Variants in RPS6KA2 observed in about 807,000 individuals in gnomAD.
RPS6KA2 encodes ribosomal protein S6 kinase A2.
RPS6KA2 carries 42 observed loss-of-function variants against 91.8 expected under a neutral mutation model. The ratio of observed to expected loss-of-function variants is 0.46; its 90% CI spans 0.36 to 0.59. The LOEUF is 0.59. Among genes scored for constraint, RPS6KA2 ranks in the 20% least tolerant of loss-of-function variants. The pLI is 0.00. For missense variants in RPS6KA2, 798 were observed against 978.5 expected, an observed-to-expected ratio of 0.82 and a Z score of 2.46; for synonymous variants, 414 against 393.6, an observed-to-expected ratio of 1.05 and a Z score of -0.61.
rs1255942973 is a variant in RPS6KA2, at chr6:166,433,148, C to A, written c.1333-658G>T. 3.9e-5 allele frequency among the ~76,000 whole-genome samples: 6 copies of A among 152,154 alleles called. No individual in the cohort carries two copies. Among genetic ancestry groups the A allele is most frequent in the Non-Finnish European group, 8.8e-5 (6 of 68,022 alleles). The stretch of plus-strand genomic sequence containing the variant: ...AGTGGGCACCATCCACAACAAGCCT[C>A]CAGCCACTGTGCACCTTCTGCCTTG... On this transcript the variant is annotated intron_variant, in intron 14 of 20. Transcript: ENST00000265678. This position sits in a 1 kb window ranked among gnomAD's most constrained non-coding sequence, Gnocchi z 4.4.
At chr6:166,776,397 T>C (rs943497461) in intron 2 of RPS6KA2, among the ~76,000 whole-genome samples, 1 of 152,256 alleles carries the variant, frequency 6.6e-6, no homozygotes, top group Non-Finnish European at 1.5e-5. Context: ...TCTTCCAGGT[T>C]AGATTTCTTG....
chr6:166,573,982 G>A (rs936138284), intron 1 of RPS6KA2, among the ~76,000 whole-genome samples: 1 of 152,046 alleles, frequency 6.6e-6, no homozygotes, highest in Admixed American at 6.6e-5. Flanking sequence ...AGGACTCTCA[G>A]TCCTAACAGC....
chr6:166,687,978 G>A (rs1406237428), intron 2 of RPS6KA2, among the ~76,000 whole-genome samples: 3 of 152,320 alleles, frequency 2.0e-5, no homozygotes, highest in Middle Eastern at 3.4e-3. Context: ...GGGGGAGCCT[G>A]CTTGGGAAGG....
At chr6:166,831,578 C>T (rs142252742) in intron 2 of RPS6KA2, among the ~76,000 whole-genome samples, 24 of 151,946 alleles carry the variant, frequency 1.6e-4, no homozygotes, top group Admixed American at 1.0e-3. Context: ...CACTGAGAGA[C>T]GCTCCCTTAG....
In RPS6KA2 at chr6:166,476,819, C is replaced by T. The variant is rs139131888; in HGVS notation, c.908-6914G>A. 8.3e-3 allele frequency among the ~76,000 whole-genome samples: 1,261 copies of T among 152,174 alleles called. 8 individuals are homozygous for T. The highest frequency in any genetic ancestry group is 0.014 in the Middle Eastern group (4 of 294). ...GAGGTCCTGTGTGGCGAGTCCAGGG[C>T]GGGAGAGCTCTGGCATTGAGAGCTC... On this transcript the variant is annotated intron_variant, in intron 10 of 20. Coordinates refer to ENST00000265678, the MANE Select transcript of RPS6KA2 (RefSeq NM_021135.6).
intron 2 of RPS6KA2, among the ~76,000 whole-genome samples, chr6:166,691,295 C>T (rs1234522664): frequency 6.6e-6 from 1 of 152,076 alleles, no homozygotes; most frequent in African/African-American, 2.4e-5. Context: ...CAGGTTAGGC[C>T]CTCCTCATCT....
rs559614785 is a variant in RPS6KA2 at position 166,437,612 on chromosome 6, C to T, written c.1333-5122G>A. On this transcript the variant is annotated intron_variant, in intron 14 of 20. Transcript: ENST00000265678. The surrounding 1 kb of genome is among the most constrained non-coding windows in gnomAD (Gnocchi z 4.3). ...AATAAACTTTCCATGGTGTTGCCACCGAGCAGGCTGAATATTTCCACCTTC... is the reference window on the plus strand; with the variant it reads ...AATAAACTTTCCATGGTGTTGCCACTGAGCAGGCTGAATATTTCCACCTTC... Among the ~76,000 whole-genome samples, 113 of 152,330 alleles carry T rather than the reference C, an allele frequency of 7.4e-4. 2 individuals carry two copies. Among genetic ancestry groups the T allele is most frequent in the South Asian group, 7.3e-3 (35 of 4,824 alleles).
At chr6:166,607,975 A>C in intron 1 of RPS6KA2, among the ~76,000 whole-genome samples, 1 of 151,856 alleles carries the variant, frequency 6.6e-6, no homozygotes, top group Non-Finnish European at 1.5e-5. Flanking sequence ...GTGCCCCTGC[A>C]CTTCTGCCAG....
intron 2 of RPS6KA2, among the ~76,000 whole-genome samples, chr6:166,785,892 G>A (rs994252788): frequency 1.3e-5 from 2 of 152,000 alleles, no homozygotes; most frequent in Non-Finnish European, 2.9e-5. Context: ...CTTCCTTTTT[G>A]TTCTAGAAGG....
chr6:166,618,985 G>T (rs562232018), intron 1 of RPS6KA2, among the ~76,000 whole-genome samples: 3 of 151,838 alleles, frequency 2.0e-5, no homozygotes, highest in Non-Finnish European at 4.4e-5. Flanking sequence ...AGCCCTGTGC[G>T]TATGGGCTCC....
intron 1 of RPS6KA2, among the ~76,000 whole-genome samples, chr6:166,615,024 A>G (rs1250697986): frequency 6.6e-6 from 1 of 151,932 alleles, no homozygotes; most frequent in African/African-American, 2.4e-5. Context: ...CAAGAACACC[A>G]GGGGTCTACA....
intron 2 of RPS6KA2, among the ~76,000 whole-genome samples, chr6:166,663,794 G>A (rs766064207): frequency 1.3e-5 from 2 of 152,168 alleles, no homozygotes; most frequent in African/African-American, 4.8e-5. Flanking sequence ...CACAGGCTTC[G>A]GCGCTGCACC....
Position 166,490,049 on chromosome 6 carries a change from G to A in RPS6KA2, c.818+622C>T, listed in dbSNP as rs1390780423. On this transcript the variant is annotated intron_variant, in intron 9 of 20. Transcript: ENST00000265678. The surrounding 1 kb of genome is among the most constrained non-coding windows in gnomAD (Gnocchi z 4.2). ...GTCTGCTCACATTTAGGATGCTATG[G>A]CAAGGTGGTATGGGGATCAGGCTTC... Among the ~76,000 whole-genome samples, 1 of 152,170 alleles carries A rather than the reference G, an allele frequency of 6.6e-6. No homozygotes were observed. Among genetic ancestry groups the A allele is most frequent in the Admixed American group, 6.5e-5 (1 of 15,278 alleles).
intron 14 of RPS6KA2, among the ~76,000 whole-genome samples, chr6:166,446,373 C>T (rs1779679907): frequency 6.6e-6 from 1 of 152,210 alleles, no homozygotes; most frequent in Non-Finnish European, 1.5e-5. Context: ...TTCCAGACTA[C>T]ACATTATTAC....
At chr6:166,653,200 A>G (rs968802628) in intron 2 of RPS6KA2, among the ~76,000 whole-genome samples, 5 of 152,226 alleles carry the variant, frequency 3.3e-5, no homozygotes, top group African/African-American at 1.2e-4. Flanking sequence ...AGCTGGGATT[A>G]CAGGCATGTG....
chr6:166,694,091 A>G (rs1230678578), intron 2 of RPS6KA2, among the ~76,000 whole-genome samples: 1 of 152,224 alleles, frequency 6.6e-6, no homozygotes. Context: ...GAACCTCTTT[A>G]TGACTGGGGC....
At chr6:166,801,251 T>C (rs1779357806) in intron 2 of RPS6KA2, among the ~76,000 whole-genome samples, 1 of 152,126 alleles carries the variant, frequency 6.6e-6, no homozygotes, top group Admixed American at 6.5e-5. Flanking sequence ...ATAAAGATAG[T>C]ATCCAGGGAG....
rs1435141343 is a variant in RPS6KA2, at chr6:166,849,483, A to G, written c.123+8717T>C. 6.6e-6 allele frequency among the ~76,000 whole-genome samples: 1 copy of G among 152,146 alleles called. No individual in the cohort carries two copies. Among genetic ancestry groups the G allele is most frequent in the Non-Finnish European group, 1.5e-5 (1 of 68,016 alleles). On this transcript the variant is annotated intron_variant, in intron 2 of 21. Coordinates refer to the RPS6KA2 transcript ENST00000503859. This position sits in a 1 kb window ranked among gnomAD's most constrained non-coding sequence, Gnocchi z 4.9. ...GTTATCACTCCCCAGACTTTGCCCG[A>G]AGAATAAAAGAAGAAGGGAGGGTGA...
intron 2 of RPS6KA2, among the ~76,000 whole-genome samples, chr6:166,715,876 A>G (rs750568433): frequency 2.8e-4 from 42 of 152,186 alleles, no homozygotes; most frequent in Non-Finnish European, 4.1e-4. Flanking sequence ...CGTCTCTACT[A>G]AAAATACAAA....
Sources: gnomAD v4.1 joint callset for allele counts (sites outside exome capture counted in the v4.1 genomes callset) on GRCh38, gnomAD v4.1.1 for gene constraint, Gnocchi (gnomAD v3.1) non-coding constraint, MANE v1.5 for transcripts, NCBI Gene and HGNC (gene_info 2026-07-23, HGNC 2026-07-21) for gene names.